The following VPS37A variants were observed in gnomAD, a reference collection of about 807,000 sequenced individuals.
The protein encoded by VPS37A is vacuolar protein sorting-associated protein 37A.
Under a neutral mutation model 49.8 loss-of-function variants are expected in VPS37A, and 30 were observed. The ratio of observed to expected loss-of-function variants is 0.60; its 90% confidence interval spans 0.45 to 0.82. The LOEUF (loss-of-function observed/expected upper bound fraction) is 0.82. Ranked by LOEUF, VPS37A falls within the 40% of genes least tolerant of loss-of-function variation. The pLI is 0.00. For missense variants in VPS37A, 593 were observed against 464.4 expected, an observed-to-expected ratio of 1.28 and a Z score of -2.55; for synonymous variants, 195 against 160.6, an observed-to-expected ratio of 1.21 and a Z score of -1.62.
chr8:17,268,969 C>G lies in VPS37A; in HGVS notation c.416+13C>G. On this transcript the variant is annotated intron_variant, in intron 4 of 11. Coordinates refer to ENST00000324849, the MANE Select transcript of VPS37A (RefSeq NM_152415.3). ...CAGCATTTCCTTAGTAAGTATATTT[C>G]TAGTAAATAAAAAAGTCTGCCTGTA... 4.5e-6 allele frequency: 7 copies of G among 1,539,912 alleles called. No homozygotes were observed. Among genetic ancestry groups the G allele is most frequent in the Non-Finnish European group, 6.2e-6 (7 of 1,134,320 alleles).
intron 5 of VPS37A, among the ~76,000 whole-genome samples, chr8:17,276,196 A>G (rs755200195): frequency 6.6e-6 from 1 of 152,206 alleles, no homozygotes; most frequent in Non-Finnish European, 1.5e-5. Context: ...CCAAAAAAAA[A>G]AGTAATCCTA....
At chr8:17,253,268 G>T (rs1297669342) in intron 1 of VPS37A, among the ~76,000 whole-genome samples, 2 of 152,102 alleles carry the variant, frequency 1.3e-5, no homozygotes, top group Non-Finnish European at 2.9e-5. Flanking sequence ...TTTCCATTCA[G>T]TCTTCCATGT....
intron 1 of VPS37A, among the ~76,000 whole-genome samples, chr8:17,260,173 C>A (rs1404103384): frequency 6.6e-6 from 1 of 151,982 alleles, no homozygotes; most frequent in Admixed American, 6.6e-5. Context: ...AAGTGACTTT[C>A]TTTGGTAGTA....
At position 17,274,849 on chromosome 8, in the gene VPS37A, C is replaced by G. The variant is rs755073591; in HGVS notation, c.533C>G (p.Thr178Ser). 2 of 1,614,156 alleles carry G rather than the reference C, an allele frequency of 1.2e-6. No homozygotes were observed. Among genetic ancestry groups the G allele is most frequent in the Non-Finnish European group, 1.7e-6 (2 of 1,180,010 alleles). The change falls in exon 5 of 12, where the codon ACT becomes AGT. Residue 178 changes from threonine (T) to serine (S), a missense_variant. Coordinates refer to ENST00000324849, the MANE Select transcript of VPS37A (RefSeq NM_152415.3). ...ATCACTTCTTTATCTGTTGCTGACA[C>G]TGTTTCTTCTTCAACAACAAGTCAT... ...RSITSLSVAD[T>S]VSSSTTSHTT...
At chr8:17,248,485 A>G (rs922744299) in intron 1 of VPS37A, 4 of 415,666 alleles carry the variant, frequency 9.6e-6, no homozygotes, top group East Asian at 7.3e-5. Flanking sequence ...CACATTGGTC[A>G]GGCTGGTCTC....
rs73208583 is a variant in VPS37A at position 17,284,217 on chromosome 8, G to A, written c.970-256G>A. Among the ~76,000 whole-genome samples, 10,154 of 152,286 alleles carry A rather than the reference G, an allele frequency of 0.067. 468 individuals carry two copies. Among genetic ancestry groups the A allele is most frequent in the Non-Finnish European group, 0.099 (6,750 of 68,012 alleles). On this transcript the variant is annotated intron_variant, in intron 9 of 11. Coordinates refer to ENST00000324849, the MANE Select transcript of VPS37A (RefSeq NM_152415.3). ...TGATTTAATTCGTAAATCCTTAGGA[G>A]AGAACAATGATTTTCCCAGTTTCTC...
the VPS37A span, among the ~76,000 whole-genome samples, chr8:17,322,395 A>C: frequency 6.6e-6 from 1 of 152,074 alleles, no homozygotes; most frequent in African/African-American, 2.4e-5. Flanking sequence ...CTATTAGTAT[A>C]TATGAATGTG....
At chr8:17,305,165 G>C (rs192191141), downstream of VPS37A, among the ~76,000 whole-genome samples, 4 of 152,218 alleles carry the variant, frequency 2.6e-5, 1 homozygote, top group South Asian at 2.1e-4. Flanking sequence ...CATTTCATTT[G>C]AACTGATCAT....
chr8:17,250,336 T>C (rs1811856306), intron 1 of VPS37A, among the ~76,000 whole-genome samples: 1 of 152,190 alleles, frequency 6.6e-6, no homozygotes, highest in Non-Finnish European at 1.5e-5. Flanking sequence ...CCTAAATTAG[T>C]GGTACGACTT....
At chr8:17,314,091 T>A in the VPS37A span, among the ~76,000 whole-genome samples, 5 of 152,248 alleles carry the variant, frequency 3.3e-5, no homozygotes, top group African/African-American at 1.2e-4. Flanking sequence ...ACCTCTATAA[T>A]ATTATAAACC....
At position 17,268,973 on chromosome 8, in the gene VPS37A, T is replaced by G; in HGVS notation, c.416+17T>G. The G allele has an allele frequency of 6.5e-7, 1 of 1,530,524 alleles. No homozygotes were observed. The highest frequency in any genetic ancestry group is 8.9e-7 in the Non-Finnish European group (1 of 1,127,512). 94.8% of individuals were successfully genotyped at this position (1,530,524 alleles called of 1,614,324 possible). A position where few individuals can be genotyped will look rare whatever the true frequency, so the allele number is the denominator to read the frequency against. ...ATTTCCTTAGTAAGTATATTTCTAG[T>G]AAATAAAAAAGTCTGCCTGTATTTT... On this transcript the variant is annotated intron_variant, in intron 4 of 11. Coordinates refer to ENST00000324849, the MANE Select transcript of VPS37A (RefSeq NM_152415.3).
chr8:17,319,398 G>T, the VPS37A span, among the ~76,000 whole-genome samples: 1 of 152,190 alleles, frequency 6.6e-6, no homozygotes, highest in Non-Finnish European at 1.5e-5. Context: ...CTGGGAGGAA[G>T]GAGCTGTTAG....
At chr8:17,331,261 C>A in the VPS37A span, 2 of 1,608,564 alleles carry the variant, frequency 1.2e-6, no homozygotes, top group Non-Finnish European at 1.7e-6. Context: ...TTCCCTGCAG[C>A]ACGATTTGCC....
At chr8:17,252,019 C>A (rs1311314135) in intron 1 of VPS37A, among the ~76,000 whole-genome samples, 1 of 152,180 alleles carries the variant, frequency 6.6e-6, no homozygotes, top group Non-Finnish European at 1.5e-5. Flanking sequence ...CTCATGAGGA[C>A]TCACACACAA....
intron 4 of VPS37A, among the ~76,000 whole-genome samples, chr8:17,269,354 G>A (rs1813771835): frequency 6.6e-6 from 1 of 151,986 alleles, no homozygotes; most frequent in South Asian, 2.1e-4. Flanking sequence ...CCATTGCTGA[G>A]CCAAGTATGT....
chr8:17,278,762 T>A (rs1206944187), intron 6 of VPS37A, among the ~76,000 whole-genome samples: 1 of 152,174 alleles, frequency 6.6e-6, no homozygotes, highest in African/African-American at 2.4e-5. Flanking sequence ...GTTGTTTTTT[T>A]AATCTCTCCA....
the VPS37A span, among the ~76,000 whole-genome samples, chr8:17,322,579 G>T: frequency 2.6e-5 from 4 of 152,270 alleles, no homozygotes; most frequent in South Asian, 2.1e-4. Context: ...CAGAACTTTG[G>T]GAGGCCAAGG....
chr8:17,283,779 A>C (rs1184578160), intron 9 of VPS37A, among the ~76,000 whole-genome samples: 1 of 152,150 alleles, frequency 6.6e-6, no homozygotes, highest in Non-Finnish European at 1.5e-5. Context: ...GGAAATATTA[A>C]TCATCTTTAA....
chr8:17,286,456 A>C (rs376342026), intron 11 of VPS37A, 29 bp downstream of exon 11: 2 of 1,591,194 alleles, frequency 1.3e-6, no homozygotes, highest in African/African-American at 1.3e-5. Flanking sequence ...TTGAGTCTCA[A>C]GGTGATTGCA....
Sources: gnomAD v4.1 joint callset for allele counts (sites outside exome capture counted in the v4.1 genomes callset) on GRCh38, gnomAD v4.1.1 for gene constraint, MANE v1.5 for transcripts, NCBI Gene and HGNC (gene_info 2026-07-23, HGNC 2026-07-21) for gene names.